PAN3: variants seen among roughly 807,000 people sequenced by gnomAD.
PAN3 encodes the protein poly(A) specific ribonuclease subunit PAN3, also known as PAN2-PAN3 deadenylation complex subunit PAN3.
PAN3 carries 19 observed loss-of-function variants against 96.2 expected under a neutral mutation model. The ratio of observed to expected loss-of-function variants is 0.20; its 90% CI spans 0.14 to 0.29. PAN3 has a LOEUF of 0.29. Among genes scored for constraint, PAN3 ranks in the 10% least tolerant of loss-of-function variants. The pLI, the probability that PAN3 is intolerant of heterozygous loss-of-function variation, is 1.00. For missense variants in PAN3, 882 were observed against 1,108.1 expected, an observed-to-expected ratio of 0.80 and a Z score of 2.90; for synonymous variants, 433 against 406.6, an observed-to-expected ratio of 1.06 and a Z score of -0.78.
intron 6 of PAN3, among the ~76,000 whole-genome samples, chr13:28,237,909 G>A (rs994709965): frequency 1.3e-5 from 2 of 152,252 alleles, no homozygotes; most frequent in African/African-American, 2.4e-5. Flanking sequence ...TTTACCTTGA[G>A]GTCTGCATGA....
At chr13:28,241,374 A>G (rs936247598) in intron 6 of PAN3, among the ~76,000 whole-genome samples, 1 of 152,220 alleles carries the variant, frequency 6.6e-6, no homozygotes, top group Non-Finnish European at 1.5e-5. Flanking sequence ...GGTTGCATCA[A>G]TTGCAAATAA....
chr13:28,172,194 G>A (rs145079858), intron 1 of PAN3, among the ~76,000 whole-genome samples: 153 of 152,262 alleles, frequency 1.0e-3, no homozygotes, highest in African/African-American at 3.6e-3. Context: ...GGTGGCTCAC[G>A]CCTGTAATCC....
intron 12 of PAN3, among the ~76,000 whole-genome samples, chr13:28,268,939 T>C (rs1886396217): frequency 6.6e-6 from 1 of 152,198 alleles, no homozygotes; most frequent in Non-Finnish European, 1.5e-5. Flanking sequence ...GACACATGCA[T>C]AATTTTGTGG....
At chr13:28,222,868 T>G (rs1298694018) in intron 6 of PAN3, among the ~76,000 whole-genome samples, 1 of 152,200 alleles carries the variant, frequency 6.6e-6, no homozygotes, top group Non-Finnish European at 1.5e-5. Flanking sequence ...AGTATCAAAT[T>G]ACTATAAAAT....
At chr13:28,177,406 G>C (rs1875162424) in intron 3 of PAN3, among the ~76,000 whole-genome samples, 1 of 152,150 alleles carries the variant, frequency 6.6e-6, no homozygotes. Flanking sequence ...ATAGTTTGCA[G>C]AGTAAATGGT....
chr13:28,214,645 G>A lies in PAN3; in HGVS notation c.853-5586G>A, dbSNP rs1296277910. The A allele has an allele frequency of 1.9e-5, 8 of 426,888 alleles. No homozygotes were observed. In the Admixed American group the frequency reaches 2.1e-4, roughly 11 times the overall value. The allele number at this position is 426,888 out of a possible 1,614,324, so 26.4% of individuals were successfully genotyped here. A position where few individuals can be genotyped will look rare whatever the true frequency, so the allele number is the denominator to read the frequency against. ...AAAGAATCATTGAAAAATTGGAAAA[G>A]GAGGCTGCTGAGATGGGAAAGGGCT... is the stretch of plus-strand genomic sequence containing the variant. On this transcript the variant is annotated intron_variant, in intron 5 of 18. Coordinates refer to ENST00000380958, the MANE Select transcript of PAN3 (RefSeq NM_175854.8).
At chr13:28,139,379 T>G (rs1245337514) in intron 1 of PAN3, among the ~76,000 whole-genome samples, 1 of 96,314 alleles carries the variant, frequency 1.0e-5, no homozygotes, top group African/African-American at 4.1e-5. Context: ...GGCTGTGGCG[T>G]GCGGAGTGTG....
At chr13:28,157,631 C>T (rs980595324) in intron 1 of PAN3, among the ~76,000 whole-genome samples, 2 of 152,074 alleles carry the variant, frequency 1.3e-5, no homozygotes, top group Non-Finnish European at 2.9e-5. Flanking sequence ...AATAAAATAC[C>T]TAGGAATACA....
chr13:28,220,009 A>G (rs1881229862), intron 5 of PAN3, among the ~76,000 whole-genome samples: 1 of 152,218 alleles, frequency 6.6e-6, no homozygotes, highest in Non-Finnish European at 1.5e-5. Flanking sequence ...ACTGAGGTTA[A>G]AATTCTGCAA....
At position 28,179,668 on chromosome 13, in the gene PAN3, C is replaced by T. The variant is rs555941235; in HGVS notation, c.690+1733C>T. 4.2e-4 allele frequency among the ~76,000 whole-genome samples: 63 copies of T among 149,948 alleles called. No homozygotes were observed. The South Asian group carries it at 0.013, about 31-fold the overall frequency. ...GCAGTGAGCCAAGATCATGCCACTG[C>T]ACTCCAGTCTGGACAACAGAGTGAG... On this transcript the variant is annotated intron_variant, in intron 4 of 18. Coordinates refer to ENST00000380958, the MANE Select transcript of PAN3 (RefSeq NM_175854.8).
intron 5 of PAN3, among the ~76,000 whole-genome samples, chr13:28,202,860 T>G (rs1346680434): frequency 1.3e-5 from 2 of 152,196 alleles, no homozygotes; most frequent in African/African-American, 4.8e-5. Context: ...GTAATTGCGG[T>G]TTTGCCATTA....
chr13:28,250,202 T>C (rs1308519876), intron 6 of PAN3, among the ~76,000 whole-genome samples: 1 of 127,308 alleles, frequency 7.9e-6, no homozygotes, highest in Non-Finnish European at 1.5e-5. Flanking sequence ...CTCAGAACTC[T>C]TTTTTTTTTT....
intron 9 of PAN3, 114 bp downstream of exon 9, chr13:28,261,572 C>A: frequency 1.2e-6 from 1 of 816,194 alleles, no homozygotes; most frequent in Non-Finnish European, 1.8e-6. Context: ...GTGGCTCATA[C>A]CTGTAATCCC....
chr13:28,276,443 A>G (rs1887065756), intron 14 of PAN3, among the ~76,000 whole-genome samples: 1 of 152,190 alleles, frequency 6.6e-6, no homozygotes, highest in African/African-American at 2.4e-5. Flanking sequence ...GCCACTTGGG[A>G]TGACCATACT....
chr13:28,219,906 T>A (rs1424446530), intron 5 of PAN3, among the ~76,000 whole-genome samples: 1 of 152,238 alleles, frequency 6.6e-6, no homozygotes, highest in Non-Finnish European at 1.5e-5. Context: ...AATTTGTTGC[T>A]CAGTTTTGAG....
intron 17 of PAN3, among the ~76,000 whole-genome samples, chr13:28,283,018 G>GA (rs1390928283): frequency 6.6e-6 from 1 of 151,866 alleles, no homozygotes; most frequent in Non-Finnish European, 1.5e-5. Flanking sequence ...TACTGTGAAT[G>GA]CATACTAAAT....
At chr13:28,264,947 T>C (rs1226699383) in intron 9 of PAN3, among the ~76,000 whole-genome samples, 1 of 152,244 alleles carries the variant, frequency 6.6e-6, no homozygotes, top group Non-Finnish European at 1.5e-5. Context: ...TTACATGTTT[T>C]GTATAAATTT....
chr13:28,282,405 G>T lies in PAN3; in HGVS notation c.2384+1026G>T, dbSNP rs543662177. 7.2e-4 allele frequency among the ~76,000 whole-genome samples: 109 copies of T among 151,612 alleles called. No homozygotes were observed. The Middle Eastern group carries it at 0.01, about 14-fold the overall frequency. ...TCTTCAAAGTCGAAAGACTCATTTA[G>T]TGTCTTCCCTAATAATTTTTCTAAG... On this transcript the variant is annotated intron_variant, in intron 17 of 18. Coordinates refer to ENST00000380958, the MANE Select transcript of PAN3 (RefSeq NM_175854.8).
At chr13:28,277,829 C>T (rs797020411) in intron 15 of PAN3, among the ~76,000 whole-genome samples, 34 of 152,290 alleles carry the variant, frequency 2.2e-4, no homozygotes, top group African/African-American at 7.9e-4. Flanking sequence ...ATGAGTAAGC[C>T]TCAGGTGCAA....
Sources: allele counts gnomAD v4.1 joint callset (sites outside exome capture counted in the v4.1 genomes callset), GRCh38; gene constraint gnomAD v4.1.1; transcripts MANE v1.5; gene names NCBI Gene and HGNC (gene_info 2026-07-23, HGNC 2026-07-21).